HDAC9: variants seen among roughly 807,000 people sequenced by gnomAD.
The protein encoded by HDAC9 is histone deacetylase 9.
In HDAC9, 41 loss-of-function variants were observed where a neutral mutation model predicts 139.4. The observed-to-expected ratio is 0.29, with a 90% CI of 0.23 to 0.38. The LOEUF is 0.38. Among genes scored for constraint, HDAC9 ranks in the 10% least tolerant of loss-of-function variants. HDAC9 has a pLI of 1.00. For missense variants in HDAC9, 1,147 were observed against 1,297.0 expected, an observed-to-expected ratio of 0.88 and a Z score of 1.78; for synonymous variants, 517 against 476.2, an observed-to-expected ratio of 1.09 and a Z score of -1.12.
In HDAC9 at chr7:18,356,821, A is replaced by G. The variant is rs544864521; in HGVS notation, c.-42+66306A>G. On this transcript the variant is annotated intron_variant, in intron 1 of 3. Transcript: ENST00000413509. ...ATAAATGTAGAGTTCTCCTCAATGT[A>G]TGAATAACTAGGGATGCAGGATTTA... 2.2e-4 allele frequency among the ~76,000 whole-genome samples: 34 copies of G among 152,258 alleles called. No individual in the cohort carries two copies. The South Asian group carries it at 6.6e-3, about 30-fold the overall frequency.
chr7:18,643,779 A>T (rs916367973), intron 8 of HDAC9, among the ~76,000 whole-genome samples: 2 of 152,042 alleles, frequency 1.3e-5, no homozygotes, highest in African/African-American at 4.8e-5. Context: ...TTTGGGAAGA[A>T]AGCAGCCACT....
intron 19 of HDAC9, among the ~76,000 whole-genome samples, chr7:18,834,255 G>A (rs1053773584): frequency 1.3e-5 from 2 of 151,788 alleles, no homozygotes; most frequent in Admixed American, 6.6e-5. Flanking sequence ...TAACAGAACC[G>A]GAAACTATGT....
chr7:18,856,378 C>A (rs1382722322), intron 21 of HDAC9, among the ~76,000 whole-genome samples: 2 of 152,056 alleles, frequency 1.3e-5, no homozygotes, highest in Non-Finnish European at 1.5e-5. Flanking sequence ...AAATCAAAAT[C>A]TATTTTGCTA....
intron 1 of HDAC9, chr7:18,325,611 A>C (rs1213170067): frequency 6.6e-6 from 1 of 152,094 alleles, no homozygotes; most frequent in East Asian, 1.9e-4. Flanking sequence ...ACAGACACAC[A>C]AAATTTTCAA....
At chr7:18,723,397 G>C (rs1001826298) in intron 12 of HDAC9, among the ~76,000 whole-genome samples, 1 of 152,156 alleles carries the variant, frequency 6.6e-6, no homozygotes, top group Admixed American at 6.6e-5. Context: ...CCTAAATTTT[G>C]TTGCCAACCC....
intron 6 of HDAC9, among the ~76,000 whole-genome samples, chr7:18,598,693 A>C (rs1833126724): frequency 6.6e-6 from 1 of 152,226 alleles, no homozygotes; most frequent in Non-Finnish European, 1.5e-5. Context: ...TGCCAAAACT[A>C]AATCTCTTTT....
chr7:18,131,451 A>G (rs2128101972), intron 1 of HDAC9, among the ~76,000 whole-genome samples: 1 of 152,312 alleles, frequency 6.6e-6, no homozygotes, highest in Admixed American at 6.5e-5. Flanking sequence ...TTGGGAAATT[A>G]GGGGGTTGCT....
intron 6 of HDAC9, among the ~76,000 whole-genome samples, chr7:18,614,534 G>A (rs1345501892): frequency 1.3e-5 from 2 of 151,838 alleles, no homozygotes; most frequent in Non-Finnish European, 2.9e-5. Context: ...TAGTGTAAAC[G>A]TTGCACAGAG....
At chr7:18,424,155 C>G (rs534253921) in intron 1 of HDAC9, among the ~76,000 whole-genome samples, 1 of 152,324 alleles carries the variant, frequency 6.6e-6, no homozygotes, top group East Asian at 1.9e-4. Context: ...AAGAGCTTGA[C>G]TTCTCATTCA....
At chr7:18,419,489 A>T (rs1014445313) in intron 1 of HDAC9, among the ~76,000 whole-genome samples, 1 of 151,670 alleles carries the variant, frequency 6.6e-6, no homozygotes, top group Non-Finnish European at 1.5e-5. Flanking sequence ...AAGTGAGAAG[A>T]TAAGTTTTAG....
At chr7:18,599,357 T>G (rs1833326960) in intron 6 of HDAC9, among the ~76,000 whole-genome samples, 1 of 152,186 alleles carries the variant, frequency 6.6e-6, no homozygotes, top group African/African-American at 2.4e-5. Context: ...TGTTGTAAGA[T>G]TCTATGAGAT....
chr7:18,351,066 C>CT (rs1782811510), intron 1 of HDAC9, among the ~76,000 whole-genome samples: 1 of 152,130 alleles, frequency 6.6e-6, no homozygotes, highest in Admixed American at 6.6e-5. Context: ...CTCTTAACTC[C>CT]TTTTTTTCCT....
At chr7:18,491,006 C>T (rs1796323445), upstream of HDAC9, among the ~76,000 whole-genome samples, 1 of 151,872 alleles carries the variant, frequency 6.6e-6, no homozygotes, top group African/African-American at 2.4e-5. Flanking sequence ...CATGAAAAGT[C>T]TCTGCTTGAT....
intron 21 of HDAC9, among the ~76,000 whole-genome samples, chr7:18,843,870 T>C (rs1347179942): frequency 6.6e-6 from 1 of 152,172 alleles, no homozygotes; most frequent in African/African-American, 2.4e-5. Context: ...ACATATTGAC[T>C]TTCCCACGTG....
intron 24 of HDAC9, among the ~76,000 whole-genome samples, chr7:18,956,275 A>G (rs1382659026): frequency 6.6e-6 from 1 of 152,142 alleles, no homozygotes; most frequent in Non-Finnish European, 1.5e-5. Flanking sequence ...TGATGATCCA[A>G]TAATGCCATA....
chr7:18,141,952 C>T (rs1785928534), intron 1 of HDAC9, among the ~76,000 whole-genome samples: 1 of 152,046 alleles, frequency 6.6e-6, no homozygotes, highest in Non-Finnish European at 1.5e-5. Flanking sequence ...ATCTAGAATA[C>T]CCTATCAGTT....
At chr7:18,220,405 T>C (rs778028927) in intron 2 of HDAC9, among the ~76,000 whole-genome samples, 9 of 152,060 alleles carry the variant, frequency 5.9e-5, no homozygotes, top group African/African-American at 1.4e-4. Context: ...TTGAAACCCA[T>C]AGATGTGATG....
intron 1 of HDAC9, among the ~76,000 whole-genome samples, chr7:18,301,940 A>C (rs933298544): frequency 6.6e-6 from 1 of 152,214 alleles, no homozygotes; most frequent in Non-Finnish European, 1.5e-5. Flanking sequence ...AGATCTATTT[A>C]TTTTTGTGCA....
chr7:18,990,860 C>T (rs972308075), intron 25 of HDAC9, among the ~76,000 whole-genome samples: 5 of 152,234 alleles, frequency 3.3e-5, no homozygotes, highest in African/African-American at 4.8e-5. Flanking sequence ...CTCCCTGGCC[C>T]CTTGTGCTTC....
Sources: allele counts gnomAD v4.1 joint callset (sites outside exome capture counted in the v4.1 genomes callset), GRCh38; gene constraint gnomAD v4.1.1; transcripts MANE v1.5; gene names NCBI Gene and HGNC (gene_info 2026-07-23, HGNC 2026-07-21).